CTLA4: variants seen among roughly 807,000 people sequenced by gnomAD.
CTLA4 encodes the protein cytotoxic T-lymphocyte protein 4.
In CTLA4, 3 loss-of-function variants were observed where a neutral mutation model predicts 20.4. That is an observed-to-expected ratio of 0.15 (90% confidence interval 0.07 to 0.38). The LOEUF (loss-of-function observed/expected upper bound fraction) is 0.38, where lower values mean the gene tolerates loss of function less well. CTLA4 is among the 10% of genes least tolerant of loss of function. The pLI is 1.00. For synonymous variants in CTLA4, 100 were observed against 105.2 expected, an observed-to-expected ratio of 0.95 and a Z score of 0.30; for missense variants, 184 against 276.8, an observed-to-expected ratio of 0.66 and a Z score of 2.38.
At chr2:203,871,529 C>T (rs766893214) in intron 3 of CTLA4, 42 bp downstream of exon 3, 1 of 1,455,904 alleles carries the variant, frequency 6.9e-7, no homozygotes, top group African/African-American at 1.4e-5. Flanking sequence ...GATGGGGATA[C>T]CTTTAGTGGT....
intron 3 of CTLA4, among the ~76,000 whole-genome samples, chr2:203,872,201 C>T (rs1314285046): frequency 6.6e-6 from 1 of 152,148 alleles, no homozygotes; most frequent in East Asian, 1.9e-4. Flanking sequence ...TTCTTCTCTT[C>T]CTCTTCCTTC....
At position 203,873,074 on chromosome 2, in the gene CTLA4, A is replaced by G. The variant is rs1292632894; in HGVS notation, c.*262A>G. 5 of 569,832 alleles carry G rather than the reference A, an allele frequency of 8.8e-6. No homozygotes were observed. The highest frequency in any genetic ancestry group is 1.6e-5 in the Non-Finnish European group (5 of 322,546). The allele number at this position is 569,832 out of a possible 1,614,324, so 35.3% of individuals were successfully genotyped here. The stretch of plus-strand genomic sequence containing the variant: ...CTTGGGATTAATATGGGGATGCAGC[A>G]TTATGATGTGGGTCAAGGAATTAAG... On this transcript the variant is annotated 3_prime_UTR_variant, in exon 4 of 4. Transcript: ENST00000648405.
intron 2 of CTLA4, 73 bp downstream of exon 2, chr2:203,871,006 C>A: frequency 8.1e-7 from 1 of 1,236,822 alleles, no homozygotes; most frequent in East Asian, 2.5e-5. Flanking sequence ...AGTTTTGTTC[C>A]TTAATTTCAG....
At position 203,870,239 on chromosome 2, in the gene CTLA4, C is replaced by G. The variant is rs1348294892; in HGVS notation, c.110-347C>G. On this transcript the variant is annotated intron_variant, in intron 1 of 3. Transcript: ENST00000648405. This position sits in a 1 kb window ranked among gnomAD's most constrained non-coding sequence, Gnocchi z 5.3. ...TATCATCTCATCTAATTATCTCTTA[C>G]TATATGTGAAAAAAATGAAGGACAT... is the stretch of plus-strand genomic sequence containing the variant. 1 of 328,836 alleles carries G rather than the reference C, an allele frequency of 3.0e-6. No homozygotes were observed. The highest frequency in any genetic ancestry group is 3.7e-5 in the South Asian group (1 of 26,706). The allele number at this position is 328,836 out of a possible 1,614,324, so 20.4% of individuals were successfully genotyped here.
In CTLA4 at chr2:203,872,729, A is replaced by G; in HGVS notation, c.589A>G (p.Thr197Ala). ...ACAGCTAAAGAAAAGAAGCCCTCTTACAACAGGGGTCTATGTGAAAATGCC... is the reference window on the plus strand; with the variant it reads ...ACAGCTAAAGAAAAGAAGCCCTCTTGCAACAGGGGTCTATGTGAAAATGCC... ...SKMLKKRSPLTTGVYVKMPPT... is the reference protein window; with the variant it reads ...SKMLKKRSPLATGVYVKMPPT... Residue 197 changes from threonine (T) to alanine (A), a missense_variant, in exon 4 of 4, where the codon ACA (threonine) becomes GCA (alanine). Physicochemically the swap from Thr to Ala is moderately conservative, Grantham distance 58 (BLOSUM62 0). Transcript: ENST00000648405. The G allele has an allele frequency of 6.2e-7, 1 of 1,611,774 alleles. No homozygotes were observed. Among genetic ancestry groups the G allele is most frequent in the Non-Finnish European group, 8.5e-7 (1 of 1,177,952 alleles).
chr2:203,871,884 G>T (rs751989023), intron 3 of CTLA4, among the ~76,000 whole-genome samples: 2 of 152,152 alleles, frequency 1.3e-5, no homozygotes, highest in Non-Finnish European at 2.9e-5. Context: ...CCTTCTCCAT[G>T]TCCCTCTCCA....
chr2:203,869,867 G>A (rs1688696797), intron 1 of CTLA4, among the ~76,000 whole-genome samples: 1 of 152,202 alleles, frequency 6.6e-6, no homozygotes, highest in South Asian at 2.1e-4. Flanking sequence ...AGAGGCAGCG[G>A]TGGTGTCAGG....
chr2:203,870,744 A>G lies in CTLA4; in HGVS notation c.268A>G (p.Met90Val), dbSNP rs370443546. Residue 90 changes from methionine to valine, a missense_variant, in exon 2 of 4, where the codon ATG becomes GTG. By Grantham distance (21) the Met-to-Val change is conservative (BLOSUM62 1). Around this residue, in one of 3 missense-constraint regions of CTLA4, gnomAD observed 147 missense variants for 223.4 expected, o/e 0.66. Transcript: ENST00000648405. This position sits in a 1 kb window ranked among gnomAD's most constrained non-coding sequence, Gnocchi z 5.3. The part of the protein sequence containing the change: ...QVTEVCAATY[M>V]MGNELTFLDD... ...GACTGAAGTCTGTGCGGCAACCTAC[A>G]TGATGGGGAATGAGTTGACCTTCCT... The G allele has an allele frequency of 3.7e-6, 6 of 1,614,082 alleles. No homozygotes were observed. In the African/African-American group the frequency reaches 5.3e-5, roughly 14 times the overall value.
intron 1 of CTLA4, among the ~76,000 whole-genome samples, chr2:203,868,284 T>C (rs937955179): frequency 2.0e-5 from 3 of 152,170 alleles, no homozygotes; most frequent in African/African-American, 7.2e-5. Context: ...AGGGGCTTCA[T>C]GAATGCATGT....
Position 203,871,577 on chromosome 2 carries a change from TTGAGA to T in CTLA4, c.567+100_567+104del. On this transcript the variant is annotated intron_variant, in intron 3 of 3. Transcript: ENST00000648405. ...AAAGATGATGTTGAGTTTAGTGTTC[TTGAGA>T]TGAGATGAGGCAATAAATGAAGAGG... 3.9e-6 allele frequency: 4 copies of T among 1,024,104 alleles called. No individual in the cohort carries two copies. The South Asian group carries it at 5.2e-5, about 13-fold the overall frequency. The allele number at this position is 1,024,104 out of a possible 1,614,324, so 63.4% of individuals were successfully genotyped here.
rs551032043 is a variant in CTLA4, at chr2:203,871,340, A to G, written c.458-38A>G. 2.1e-4 allele frequency: 323 copies of G among 1,559,848 alleles called. 7 individuals are homozygous for G. The highest frequency in any genetic ancestry group is 2.0e-3 in the South Asian group (179 of 89,962). On this transcript the variant is annotated intron_variant, in intron 2 of 3. Coordinates refer to ENST00000648405, the MANE Select transcript of CTLA4 (RefSeq NM_005214.5). ...GGGGAGTAGAGCCCTAGAGTTTAAA[A>G]CTGTCTCAGGGAGGCTCTGCTTTGT...
In CTLA4 at chr2:203,867,965, G is replaced by T. The variant is rs138279736; in HGVS notation, c.23G>T (p.Arg8Leu). MACLGFQ[R>L]HKAQLNLATR... ...GCCATGGCTTGCCTTGGATTTCAGCGGCACAAGGCTCAGCTGAACCTGGCT... is the reference window on the plus strand; with the variant it reads ...GCCATGGCTTGCCTTGGATTTCAGCTGCACAAGGCTCAGCTGAACCTGGCT... Residue 8 changes from arginine (R) to leucine (L), a missense_variant, in exon 1 of 4, where the codon CGG becomes CTG. This residue lies in a region of CTLA4 where 35 missense variants were observed against 36.6 expected (regional missense o/e 0.96). Transcript: ENST00000648405. The T allele has an allele frequency of 7.4e-6, 12 of 1,614,010 alleles. No homozygotes were observed. The Admixed American group carries it at 2.0e-4, about 27-fold the overall frequency.
rs777300741 is a variant in CTLA4, at chr2:203,870,911, C to T, written c.435C>T (p.Asn145=). 26 of 1,613,292 alleles carry T rather than the reference C, an allele frequency of 1.6e-5. No individual in the cohort carries two copies. Among genetic ancestry groups the T allele is most frequent in the Admixed American group, 3.3e-5 (2 of 59,984 alleles). The change falls in exon 2 of 4, where the codon AAC becomes AAT. Residue 145 remains asparagine, a synonymous_variant. Transcript: ENST00000648405. The surrounding 1 kb of genome is among the most constrained non-coding windows in gnomAD (Gnocchi z 5.3). ...CGCCATACTACCTGGGCATAGGCAACGGAACCCAGATTTATGTAATTGGTG... is the reference window on the plus strand; with the variant it reads ...CGCCATACTACCTGGGCATAGGCAATGGAACCCAGATTTATGTAATTGGTG... ...YPPPYYLGIG[N]GTQIYVIDPE... is the part of the protein sequence containing the mutation.
In CTLA4 at chr2:203,870,747, A is replaced by G; in HGVS notation, c.271A>G (p.Met91Val). 1 of 1,614,168 alleles carries G rather than the reference A, an allele frequency of 6.2e-7. No homozygotes were observed. Among genetic ancestry groups the G allele is most frequent in the South Asian group, 1.1e-5 (1 of 91,084 alleles). ...VTEVCAATYMMGNELTFLDDS... is the reference protein window; with the variant it reads ...VTEVCAATYMVGNELTFLDDS... ...TGAAGTCTGTGCGGCAACCTACATG[A>G]TGGGGAATGAGTTGACCTTCCTAGA... The change falls in exon 2 of 4, where the codon ATG becomes GTG. Residue 91 changes from methionine (M) to valine (V), a missense_variant. This residue lies in a region of CTLA4 where 147 missense variants were observed against 223.4 expected (regional missense o/e 0.66). Transcript: ENST00000648405. This position sits in a 1 kb window ranked among gnomAD's most constrained non-coding sequence, Gnocchi z 5.3.
In CTLA4 at chr2:203,873,339, T is replaced by G. The variant is rs1264786468; in HGVS notation, c.*527T>G. 1 of 3,966 alleles carries G rather than the reference T, an allele frequency of 2.5e-4. No individual in the cohort carries two copies. The highest frequency in any genetic ancestry group is 6.4e-4 in the African/African-American group (1 of 1,560). 0.2% of individuals were successfully genotyped at this position (3,966 alleles called of 1,614,324 possible). A position where few individuals can be genotyped will look rare whatever the true frequency, so the allele number is the denominator to read the frequency against. The stretch of plus-strand genomic sequence containing the variant: ...TATTGCATATATACATATATATATA[T>G]ATATATATATATATATATATATATA... On this transcript the variant is annotated 3_prime_UTR_variant, in exon 4 of 4. Transcript: ENST00000648405.
chr2:203,872,323 G>A (rs1016841980), intron 3 of CTLA4, among the ~76,000 whole-genome samples: 5 of 152,132 alleles, frequency 3.3e-5, no homozygotes, highest in African/African-American at 1.2e-4. Flanking sequence ...GTCCTTTGCT[G>A]TAGGTTCAGC....
intron 3 of CTLA4, 92 bp from the exon 4 acceptor site, chr2:203,872,616 C>A: frequency 4.2e-6 from 3 of 720,826 alleles, no homozygotes; most frequent in Non-Finnish European, 4.9e-6. Flanking sequence ...TTTTAACCAG[C>A]TAGGGACCCA....
At position 203,867,821 on chromosome 2, in the gene CTLA4, G is replaced by A; in HGVS notation, c.-122G>A. 1 of 642,292 alleles carries A rather than the reference G, an allele frequency of 1.6e-6. No homozygotes were observed. The highest frequency in any genetic ancestry group is 2.7e-6 in the Non-Finnish European group (1 of 365,118). The allele number at this position is 642,292 out of a possible 1,614,324, so 39.8% of individuals were successfully genotyped here. A position where few individuals can be genotyped will look rare whatever the true frequency, so the allele number is the denominator to read the frequency against. ...TGTGCACATGTGTAATACATATCTG[G>A]GATCAAAGCTATCTATATAAAGTCC... is the stretch of plus-strand genomic sequence containing the variant. On this transcript the variant is annotated 5_prime_UTR_variant, in exon 1 of 4. Transcript: ENST00000648405.
chr2:203,872,467 CTCTT>C (rs1213124452), intron 3 of CTLA4, among the ~76,000 whole-genome samples: 3 of 152,200 alleles, frequency 2.0e-5, no homozygotes, highest in African/African-American at 7.2e-5. Context: ...TTCTCAAAGT[CTCTT>C]TCTCCTATCT....
Sources: allele counts gnomAD v4.1 joint callset (sites outside exome capture counted in the v4.1 genomes callset), GRCh38; gene constraint gnomAD v4.1.1; regional missense constraint gnomAD v4.1.1; non-coding constraint Gnocchi (gnomAD v3.1); transcripts MANE v1.5; gene names NCBI Gene and HGNC (gene_info 2026-07-23, HGNC 2026-07-21).